The following GABRG3 variants were observed in gnomAD, a reference collection of about 807,000 sequenced individuals.
GABRG3 encodes the protein gamma-aminobutyric acid receptor subunit gamma-3.
In GABRG3, 25 loss-of-function variants were observed where a neutral mutation model predicts 48.8. That is an observed-to-expected ratio of 0.51 (90% CI 0.37 to 0.72). The LOEUF (loss-of-function observed/expected upper bound fraction) is 0.72, where lower values mean the gene tolerates loss of function less well. Among genes scored for constraint, GABRG3 ranks in the 30% least tolerant of loss-of-function variants. The pLI is 0.00. For synonymous variants in GABRG3, 227 were observed against 217.6 expected (o/e 1.04, Z -0.38); for missense variants, 394 against 577.9 (o/e 0.68, Z 3.26).
intron 3 of GABRG3, among the ~76,000 whole-genome samples, chr15:27,091,204 G>A (rs879831146): frequency 1.3e-5 from 2 of 152,162 alleles, no homozygotes; most frequent in Non-Finnish European, 2.9e-5. Flanking sequence ...AACAGATACT[G>A]TATTTTGTGA....
intron 3 of GABRG3, among the ~76,000 whole-genome samples, chr15:27,205,074 T>G (rs1265357667): frequency 6.6e-6 from 1 of 152,118 alleles, no homozygotes; most frequent in Non-Finnish European, 1.5e-5. Flanking sequence ...TTGCTCTATC[T>G]AGGACTTCCA....
At chr15:27,238,548 G>A (rs1727327925) in intron 3 of GABRG3, among the ~76,000 whole-genome samples, 1 of 152,192 alleles carries the variant, frequency 6.6e-6, no homozygotes, top group Admixed American at 6.5e-5. Context: ...TTCTGTAACA[G>A]GAGGAAAATA....
At chr15:27,255,640 C>A (rs2140462775) in intron 3 of GABRG3, among the ~76,000 whole-genome samples, 1 of 152,112 alleles carries the variant, frequency 6.6e-6, no homozygotes, top group Middle Eastern at 3.4e-3. Context: ...TCTTTTAAAT[C>A]CTGGTACTTA....
At chr15:27,019,285 TG>T (rs1354798689) in intron 2 of GABRG3, among the ~76,000 whole-genome samples, 2 of 152,020 alleles carry the variant, frequency 1.3e-5, no homozygotes, top group Non-Finnish European at 2.9e-5. Flanking sequence ...TTAGCCAGGA[TG>T]GTCTCAATCT....
Position 27,532,900 on chromosome 15 carries a change from A to C in GABRG3, c.*19A>C, listed in dbSNP as rs764445039. On this transcript the variant is annotated 3_prime_UTR_variant, in exon 10 of 10. Coordinates refer to ENST00000615808, the MANE Select transcript of GABRG3 (RefSeq NM_033223.5). ...TCTCTAAGTGTTGCTCAGAGTGAAG[A>C]GTGAAGAGCATTTGGTACACACTTG... 1 of 1,608,820 alleles carries C rather than the reference A, an allele frequency of 6.2e-7. No homozygotes were observed. Among genetic ancestry groups the C allele is most frequent in the Non-Finnish European group, 8.5e-7 (1 of 1,177,332 alleles).
chr15:27,052,103 G>A (rs12148267), intron 3 of GABRG3, among the ~76,000 whole-genome samples: 21,248 of 152,228 alleles, frequency 0.14, 1,922 homozygotes, highest in South Asian at 0.26. Context: ...TTCCTGACAG[G>A]CCTTGGACTG....
At chr15:27,360,225 A>C (rs867377083) in intron 5 of GABRG3, among the ~76,000 whole-genome samples, 14 of 152,138 alleles carry the variant, frequency 9.2e-5, no homozygotes, top group African/African-American at 3.4e-4. Context: ...ACTTAGACAC[A>C]CACAGTGTTC....
rs1274586132 is a variant in GABRG3 at position 27,307,334 on chromosome 15, ACC to A, written c.271-19474_271-19473del. Among the ~76,000 whole-genome samples, 26 of 139,838 alleles carry A rather than the reference ACC, an allele frequency of 1.9e-4. 2 individuals carry two copies. The highest frequency in any genetic ancestry group is 4.4e-4 in the African/African-American group (17 of 38,584). 91.7% of individuals were successfully genotyped at this position (139,838 alleles called of 152,430 possible). ...ATAGGTTTATATATGTTTATATATA[ACC>A]ATAGGTTTATATATGTTTATATATA... On this transcript the variant is annotated intron_variant, in intron 3 of 9. Coordinates refer to ENST00000615808, the MANE Select transcript of GABRG3 (RefSeq NM_033223.5).
At chr15:27,099,298 G>A (rs1388508852) in intron 3 of GABRG3, among the ~76,000 whole-genome samples, 2 of 152,232 alleles carry the variant, frequency 1.3e-5, no homozygotes, top group Admixed American at 6.5e-5. Flanking sequence ...CCATAACCAA[G>A]CATCACAGCC....
At position 26,977,160 on chromosome 15, in the gene GABRG3, G is replaced by GT; in HGVS notation, c.202+16dup. The stretch of plus-strand genomic sequence containing the variant: ...AGGCCAGATATTGGAAGTGAGTGTT[G>GT]TTTTTTGTTATTCTAATAGAAAAAT... On this transcript the variant is annotated intron_variant, in intron 2 of 9. Coordinates refer to ENST00000615808, the MANE Select transcript of GABRG3 (RefSeq NM_033223.5). 2 of 1,603,894 alleles carry GT rather than the reference G, an allele frequency of 1.2e-6. No individual in the cohort carries two copies. Among genetic ancestry groups the GT allele is most frequent in the Non-Finnish European group, 1.7e-6 (2 of 1,175,360 alleles).
chr15:27,295,356 T>A (rs1426884904), intron 3 of GABRG3, among the ~76,000 whole-genome samples: 1 of 152,182 alleles, frequency 6.6e-6, no homozygotes, highest in Non-Finnish European at 1.5e-5. Flanking sequence ...GTCTTTAGAT[T>A]TTAAGATTTG....
intron 3 of GABRG3, among the ~76,000 whole-genome samples, chr15:27,221,605 G>A (rs1037938054): frequency 1.3e-5 from 2 of 152,088 alleles, no homozygotes; most frequent in African/African-American, 4.8e-5. Context: ...GGGCTCCCAT[G>A]GCTTACCTAT....
chr15:27,065,930 T>C (rs1896730699), intron 3 of GABRG3, among the ~76,000 whole-genome samples: 1 of 152,368 alleles, frequency 6.6e-6, no homozygotes, highest in African/African-American at 2.4e-5. Flanking sequence ...AATTTAGACA[T>C]GTCAACCTGG....
intron 3 of GABRG3, among the ~76,000 whole-genome samples, chr15:27,249,139 G>A (rs1426486831): frequency 6.6e-6 from 1 of 152,188 alleles, no homozygotes; most frequent in Non-Finnish European, 1.5e-5. Flanking sequence ...GGACTCAGGT[G>A]ATGCGGCTGC....
intron 5 of GABRG3, among the ~76,000 whole-genome samples, chr15:27,448,425 A>T (rs1333055483): frequency 6.6e-6 from 1 of 152,250 alleles, no homozygotes; most frequent in Non-Finnish European, 1.5e-5. Context: ...AACCCATTTC[A>T]TGTGAATACC....
chr15:27,380,657 G>C (rs1895737690), intron 5 of GABRG3, among the ~76,000 whole-genome samples: 1 of 151,494 alleles, frequency 6.6e-6, no homozygotes, highest in Non-Finnish European at 1.5e-5. Flanking sequence ...TCCCTAGAGA[G>C]TTGTTCTTAA....
At chr15:27,306,605 T>C (rs1287336357) in intron 3 of GABRG3, among the ~76,000 whole-genome samples, 2 of 129,276 alleles carry the variant, frequency 1.5e-5, no homozygotes, top group Non-Finnish European at 3.2e-5. Flanking sequence ...AAACATATGT[T>C]TATATATAAA....
At chr15:27,160,349 T>G (rs1419272090) in intron 3 of GABRG3, among the ~76,000 whole-genome samples, 1 of 152,162 alleles carries the variant, frequency 6.6e-6, no homozygotes, top group South Asian at 2.1e-4. Flanking sequence ...CAGAAAGGTC[T>G]TCCCCCTTTT....
At chr15:27,210,360 T>C (rs1413955999) in intron 3 of GABRG3, among the ~76,000 whole-genome samples, 1 of 152,242 alleles carries the variant, frequency 6.6e-6, no homozygotes, top group Admixed American at 6.5e-5. Context: ...TTTTCCTGCA[T>C]GTGGGAGATT....
Sources: allele counts gnomAD v4.1 joint callset (sites outside exome capture counted in the v4.1 genomes callset), GRCh38; gene constraint gnomAD v4.1.1; transcripts MANE v1.5; gene names NCBI Gene and HGNC (gene_info 2026-07-23, HGNC 2026-07-21).